The following HMCN2 variants were observed in gnomAD, a reference collection of about 807,000 sequenced individuals.
HMCN2 encodes hemicentin 2, also known as hemicentin-2.
In HMCN2, 325 loss-of-function variants were observed where a neutral mutation model predicts 377.5. The ratio of observed to expected loss-of-function variants is 0.86; its 90% confidence interval spans 0.79 to 0.94. HMCN2 has a LOEUF of 0.94. HMCN2 is among the 40% of genes least tolerant of loss of function. The pLI, the probability that HMCN2 is intolerant of heterozygous loss-of-function variation, is 0.00. For synonymous variants in HMCN2, 2,007 were observed against 2,046.8 expected, an observed-to-expected ratio of 0.98 and a Z score of 0.53; for missense variants, 4,543 against 4,725.3, an observed-to-expected ratio of 0.96 and a Z score of 1.13.
intron 1 of HMCN2, among the ~76,000 whole-genome samples, chr9:130,272,858 G>A (rs1036183658): frequency 3.9e-5 from 6 of 152,150 alleles, no homozygotes; most frequent in African/African-American, 7.2e-5. Context: ...GCGCCTGGCC[G>A]AGCATCTTCT....
At chr9:130,273,190 C>T (rs1405426408) in intron 1 of HMCN2, among the ~76,000 whole-genome samples, 3 of 150,874 alleles carry the variant, frequency 2.0e-5, no homozygotes, top group Admixed American at 2.0e-4. Flanking sequence ...GGTTTTGTTA[C>T]TATTTTGCCC....
intron 90 of HMCN2, among the ~76,000 whole-genome samples, chr9:130,426,709 G>A (rs1564885245): frequency 6.6e-6 from 1 of 152,006 alleles, no homozygotes; most frequent in African/African-American, 2.4e-5. Context: ...CTTTGAATGC[G>A]GCCCAACACA....
chr9:130,280,194 C>T (rs1408009961), intron 1 of HMCN2, among the ~76,000 whole-genome samples: 3 of 141,822 alleles, frequency 2.1e-5, no homozygotes, highest in African/African-American at 8.0e-5. Context: ...CGGAGTCTTG[C>T]TCTGTCACCC....
At chr9:130,298,348 G>T (rs1195494073) in intron 7 of HMCN2, among the ~76,000 whole-genome samples, 4 of 152,104 alleles carry the variant, frequency 2.6e-5, no homozygotes, top group Non-Finnish European at 5.9e-5. Flanking sequence ...AACACAGCAA[G>T]ACCCCATCTC....
intron 26 of HMCN2, 95 bp from the exon 27 acceptor site, chr9:130,348,450 A>C (rs1436336577): frequency 2.4e-6 from 3 of 1,239,670 alleles, no homozygotes; most frequent in Non-Finnish European, 3.1e-6. Context: ...CTCCAACCCC[A>C]GTGACGAAGG....
chr9:130,423,087 G>A lies in HMCN2; in HGVS notation c.13381+361G>A, dbSNP rs1844114162. 6.6e-6 allele frequency among the ~76,000 whole-genome samples: 1 copy of A among 152,240 alleles called. No individual in the cohort carries two copies. Among genetic ancestry groups the A allele is most frequent in the African/African-American group, 2.4e-5 (1 of 41,468 alleles). On this transcript the variant is annotated intron_variant, in intron 87 of 97. Transcript: ENST00000683500. This position sits in a 1 kb window ranked among gnomAD's most constrained non-coding sequence, Gnocchi z 5.5. ...CATTTAAGTTAAAGCTCAGGCTGAT[G>A]GAAGTGGAGGGATCTCCAGTCATGA... is the stretch of plus-strand genomic sequence containing the variant.
At chr9:130,381,994 G>C (rs1181395140) in intron 54 of HMCN2, among the ~76,000 whole-genome samples, 190 bp from the exon 55 acceptor site, 1 of 152,168 alleles carries the variant, frequency 6.6e-6, no homozygotes, top group Admixed American at 6.5e-5. Flanking sequence ...CACGCAGCGA[G>C]TGGTGGCTGT....
chr9:130,280,005 A>G (rs1386995357), intron 1 of HMCN2, among the ~76,000 whole-genome samples: 1 of 152,174 alleles, frequency 6.6e-6, no homozygotes, highest in Non-Finnish European at 1.5e-5. Flanking sequence ...GCTGCTTTGA[A>G]GATGGAGGAA....
At chr9:130,293,245 T>TGATA (rs1332900137) in intron 4 of HMCN2, among the ~76,000 whole-genome samples, 1 of 142,352 alleles carries the variant, frequency 7.0e-6, no homozygotes, top group Admixed American at 8.0e-5. Context: ...ATCACAGTGC[T>TGATA]GATAGTTCTT....
At chr9:130,323,698 T>A (rs910254367) in intron 19 of HMCN2, among the ~76,000 whole-genome samples, 18 of 152,246 alleles carry the variant, frequency 1.2e-4, no homozygotes, top group African/African-American at 4.1e-4. Context: ...AGCTTTTTTT[T>A]TTTTTATTTT....
intron 41 of HMCN2, 120 bp downstream of exon 41, chr9:130,365,009 A>G (rs1280911153): frequency 1.8e-6 from 1 of 545,786 alleles, no homozygotes; most frequent in Admixed American, 6.3e-5. Context: ...ATGGAGGACA[A>G]AACCCCAGGA....
At position 130,303,177 on chromosome 9, in the gene HMCN2, G is replaced by A. The variant is rs990815088; in HGVS notation, c.1421+176G>A. On this transcript the variant is annotated intron_variant, in intron 9 of 97. Coordinates refer to ENST00000683500, the MANE Select transcript of HMCN2 (RefSeq NM_001291815.2). The surrounding 1 kb of genome is among the most constrained non-coding windows in gnomAD (Gnocchi z 5.2). ...GCCAGGGATGGAGAGGAGTTTTTCC[G>A]AGACTCCCACCACTGCTGGGCCATC... Among the ~76,000 whole-genome samples, 1 of 152,132 alleles carries A rather than the reference G, an allele frequency of 6.6e-6. No individual in the cohort carries two copies. Among genetic ancestry groups the A allele is most frequent in the Admixed American group, 6.5e-5 (1 of 15,276 alleles).
chr9:130,391,120 G>C lies in HMCN2; in HGVS notation c.9667G>C (p.Val3223Leu). 1.0e-6 allele frequency: 1 copy of C among 987,918 alleles called. No individual in the cohort carries two copies. Among genetic ancestry groups the C allele is most frequent in the Non-Finnish European group, 1.2e-6 (1 of 830,252 alleles). The allele number at this position is 987,918 out of a possible 1,614,324, so 61.2% of individuals were successfully genotyped here. A position where few individuals can be genotyped will look rare whatever the true frequency, so the allele number is the denominator to read the frequency against. ...ARKDFVVAVL[V>L]APRIRSSGVA... ...CAAGGACTTCGTGGTAGCAGTGCTG[G>C]GTAGGTCTGCGCCTGCACCCTCCTG... Residue 3223 changes from valine to leucine, a missense_variant and splice_region_variant, in exon 63 of 98, where the codon GTG becomes CTG. Val to Leu is a conservative substitution (Grantham distance 32). Coordinates refer to ENST00000683500, the MANE Select transcript of HMCN2 (RefSeq NM_001291815.2).
chr9:130,371,249 AT>A (rs1841003257), intron 46 of HMCN2, 118 bp downstream of exon 46: 13 of 486,480 alleles, frequency 2.7e-5, no homozygotes, highest in Non-Finnish European at 3.5e-5. Context: ...TGGAATAATC[AT>A]TCCAGCTGCT....
At chr9:130,275,470 G>A (rs1366030687) in intron 1 of HMCN2, among the ~76,000 whole-genome samples, 1 of 152,254 alleles carries the variant, frequency 6.6e-6, no homozygotes, top group East Asian at 1.9e-4. Flanking sequence ...TTATTTTTGA[G>A]ATGGAGTCTT....
In HMCN2 at chr9:130,393,241, G is replaced by C; in HGVS notation, c.10166G>C (p.Gly3389Ala). 2 of 988,284 alleles carry C rather than the reference G, an allele frequency of 2.0e-6. No homozygotes were observed. The highest frequency in any genetic ancestry group is 1.7e-5 in the African/African-American group (1 of 57,420). The allele number at this position is 988,284 out of a possible 1,614,324, so 61.2% of individuals were successfully genotyped here. A position where few individuals can be genotyped will look rare whatever the true frequency, so the allele number is the denominator to read the frequency against. The change falls in exon 67 of 98, where the codon GGC (glycine) becomes GCC (alanine). Residue 3389 changes from glycine to alanine, a missense_variant. Gly to Ala is a moderately conservative substitution (Grantham distance 60). This residue lies in a region of HMCN2 where 1,073 missense variants were observed against 1,319.5 expected (regional missense o/e 0.81). Transcript: ENST00000683500. This position sits in a 1 kb window ranked among gnomAD's most constrained non-coding sequence, Gnocchi z 5.2. ...TCCAAGGTGCAATTGGCAGACGCTG[G>C]CATCTTCACCTGTGTGGCCGCAAGC... ...RISKVQLADA[G>A]IFTCVAASPA...
rs1842324494 is a variant in HMCN2 at position 130,391,552 on chromosome 9, G to C, written c.9930G>C (p.Arg3310Ser). The change falls in exon 65 of 98, where the codon AGG (arginine) becomes AGC (serine). Residue 3310 changes from arginine to serine, a missense_variant. Physicochemically the swap from Arg to Ser is moderately radical, Grantham distance 110. This residue lies in a region of HMCN2 where 1,073 missense variants were observed against 1,319.5 expected (regional missense o/e 0.81). Coordinates refer to ENST00000683500, the MANE Select transcript of HMCN2 (RefSeq NM_001291815.2). ...ACAACCCAGCCGGGGAGGACGCCAG[G>C]CTGCACACGGTGAATGTGCTGGGTG... is the stretch of plus-strand genomic sequence containing the variant. ...VAHNPAGEDA[R>S]LHTVNVLVPP... 2 of 987,508 alleles carry C rather than the reference G, an allele frequency of 2.0e-6. No homozygotes were observed. The highest frequency in any genetic ancestry group is 2.4e-6 in the Non-Finnish European group (2 of 830,160). The allele number at this position is 987,508 out of a possible 1,614,324, so 61.2% of individuals were successfully genotyped here. A position where few individuals can be genotyped will look rare whatever the true frequency, so the allele number is the denominator to read the frequency against.
Position 130,265,988 on chromosome 9 carries a change from C to T in HMCN2, c.110C>T (p.Ala37Val). Residue 37 changes from alanine to valine, a missense_variant, in exon 1 of 98, where the codon GCC becomes GTC. This residue lies in a region of HMCN2 where 547 missense variants were observed against 189.9 expected (regional missense o/e 2.88). Coordinates refer to ENST00000683500, the MANE Select transcript of HMCN2 (RefSeq NM_001291815.2). ...GTAATGCCCCCCACCACGGGGGACG[C>T]CACCCTGGCCTTCGTCTTCGACGTC... ...GTVMPPTTGD[A>V]TLAFVFDVTG... 3 of 469,136 alleles carry T rather than the reference C, an allele frequency of 6.4e-6. No individual in the cohort carries two copies. Among genetic ancestry groups the T allele is most frequent in the South Asian group, 4.7e-5 (3 of 64,458 alleles). 29.1% of individuals were successfully genotyped at this position (469,136 alleles called of 1,614,324 possible).
At chr9:130,279,421 C>T (rs1036249822) in intron 1 of HMCN2, among the ~76,000 whole-genome samples, 1 of 152,046 alleles carries the variant, frequency 6.6e-6, no homozygotes, top group Non-Finnish European at 1.5e-5. Context: ...GTCACAGTCT[C>T]GGCTTCCTGC....
Sources: gnomAD v4.1 joint callset for allele counts (sites outside exome capture counted in the v4.1 genomes callset) on GRCh38, gnomAD v4.1.1 for gene constraint, gnomAD v4.1.1 regional missense constraint, Gnocchi (gnomAD v3.1) non-coding constraint, MANE v1.5 for transcripts, NCBI Gene and HGNC (gene_info 2026-07-23, HGNC 2026-07-21) for gene names.